The following PRUNE2 variants were observed in gnomAD, a reference collection of about 807,000 sequenced individuals.
PRUNE2 encodes prune homolog 2 with BCH domain, also known as protein prune homolog 2.
PRUNE2 carries 164 observed loss-of-function variants against 252.0 expected under a neutral mutation model. That is an observed-to-expected ratio of 0.65 (90% CI 0.57 to 0.74). The LOEUF is 0.74. Among genes scored for constraint, PRUNE2 ranks in the 30% least tolerant of loss-of-function variants. PRUNE2 has a pLI of 0.00. For missense variants in PRUNE2, 3,495 were observed against 3,711.0 expected (o/e 0.94, Z 1.51); for synonymous variants, 1,292 against 1,350.2 (o/e 0.96, Z 0.94).
In PRUNE2 at chr9:76,705,495, TGA is replaced by T; in HGVS notation, c.6777_6778del (p.Ser2259ArgfsTer9). ...ATCAAACAAAGCTCTTGCACCAGGCTGACTTTCAGGAGAAAAGCTGTCTGATA... is the reference window on the plus strand; with the variant it reads ...ATCAAACAAAGCTCTTGCACCAGGCTCTTTCAGGAGAAAAGCTGTCTGATA... On this transcript the variant is annotated frameshift_variant, in exon 8 of 19. Transcript: ENST00000376718. LOFTEE classifies it high-confidence loss of function. 1 of 1,614,028 alleles carries T rather than the reference TGA, an allele frequency of 6.2e-7. No homozygotes were observed. Among genetic ancestry groups the T allele is most frequent in the Non-Finnish European group, 8.5e-7 (1 of 1,179,884 alleles).
At chr9:76,838,793 G>A (rs1392056121) in intron 4 of PRUNE2, among the ~76,000 whole-genome samples, 1 of 152,086 alleles carries the variant, frequency 6.6e-6, no homozygotes, top group Non-Finnish European at 1.5e-5. Flanking sequence ...GTTAGGGAGG[G>A]AGTGAGCAGT....
At chr9:76,728,913 T>C (rs1384644981) in intron 6 of PRUNE2, among the ~76,000 whole-genome samples, 1 of 152,210 alleles carries the variant, frequency 6.6e-6, no homozygotes. Context: ...AATACATAGA[T>C]GGTAGTCAGC....
At chr9:76,899,746 G>C (rs2063059156) in intron 1 of PRUNE2, among the ~76,000 whole-genome samples, 1 of 152,148 alleles carries the variant, frequency 6.6e-6, no homozygotes, top group Non-Finnish European at 1.5e-5. Context: ...GCGGAAATAA[G>C]TGATCTAAAG....
At chr9:76,688,565 C>T (rs1388530587) in intron 9 of PRUNE2, among the ~76,000 whole-genome samples, 1 of 152,172 alleles carries the variant, frequency 6.6e-6, no homozygotes, top group African/African-American at 2.4e-5. Context: ...TGCCCTCTAG[C>T]TTTCTTCCGT....
chr9:76,747,011 G>T (rs2050185456), intron 6 of PRUNE2, among the ~76,000 whole-genome samples: 1 of 152,220 alleles, frequency 6.6e-6, no homozygotes, highest in Admixed American at 6.5e-5. Context: ...TGCCCAGTGG[G>T]TCAGAAGTTC....
intron 16 of PRUNE2, chr9:76,624,887 G>A (rs939044729): frequency 6.1e-6 from 3 of 490,262 alleles, no homozygotes; most frequent in African/African-American, 6.0e-5. Context: ...TTACACACAG[G>A]ACAAAGACTG....
chr9:76,773,027 T>C (rs1023681699), intron 6 of PRUNE2, among the ~76,000 whole-genome samples: 3 of 152,224 alleles, frequency 2.0e-5, no homozygotes, highest in Admixed American at 2.0e-4. Flanking sequence ...AAGGAACAAT[T>C]TGTATTTAGA....
rs2058170368 is a variant in PRUNE2 at position 76,823,688 on chromosome 9, C to G, written c.700G>C (p.Glu234Gln). 1 of 1,611,824 alleles carries G rather than the reference C, an allele frequency of 6.2e-7. No homozygotes were observed. Among genetic ancestry groups the G allele is most frequent in the African/African-American group, 1.3e-5 (1 of 74,828 alleles). Reference protein sequence around the residue: ...IEQTMLKDLKELSDGEIKVAI... With the variant: ...IEQTMLKDLKQLSDGEIKVAI... ...ACTTTTATTTCTCCATCTGACAGCT[C>G]CTTTAGATCTTTCAACATTGTCTGT... Residue 234 changes from glutamate to glutamine, a missense_variant, in exon 6 of 19, where the codon GAG (glutamate) becomes CAG (glutamine). Transcript: ENST00000376718.
chr9:76,698,536 C>T (rs1414998984), intron 9 of PRUNE2, among the ~76,000 whole-genome samples: 2 of 152,236 alleles, frequency 1.3e-5, no homozygotes, highest in Non-Finnish European at 1.5e-5. Context: ...CAACTCACCT[C>T]TGAGAAACGG....
At chr9:76,648,695 G>A (rs1845948886) in intron 11 of PRUNE2, among the ~76,000 whole-genome samples, 1 of 152,086 alleles carries the variant, frequency 6.6e-6, no homozygotes, top group South Asian at 2.1e-4. Context: ...AATTAAGGCA[G>A]AAAAACGATT....
intron 9 of PRUNE2, among the ~76,000 whole-genome samples, chr9:76,686,778 G>A (rs760297680): frequency 6.6e-6 from 1 of 152,046 alleles, no homozygotes; most frequent in Admixed American, 6.6e-5. Context: ...AAAGTTTTTT[G>A]GTAGAGATGG....
chr9:76,853,075 T>C (rs2060056711), intron 2 of PRUNE2, among the ~76,000 whole-genome samples: 1 of 152,210 alleles, frequency 6.6e-6, no homozygotes, highest in Non-Finnish European at 1.5e-5. Flanking sequence ...ATGCATGTCT[T>C]AACAGAGGCA....
At chr9:76,712,496 T>TGGGGGGGGGGGGGGGGGGGGGGG (rs1588763589) in intron 7 of PRUNE2, among the ~76,000 whole-genome samples, 1 of 12,438 alleles carries the variant, frequency 8.0e-5, no homozygotes. Flanking sequence ...GGAGGGTGGG[T>TGGGGGGGGGGGGGGGGGGGGGGG]GGGGAGAAGA....
At chr9:76,881,867 C>G (rs923201908) in intron 1 of PRUNE2, among the ~76,000 whole-genome samples, 3 of 152,034 alleles carry the variant, frequency 2.0e-5, no homozygotes, top group African/African-American at 7.2e-5. Flanking sequence ...GTGATCTGCC[C>G]GCCTCGGCCT....
In PRUNE2 at chr9:76,710,398, G is replaced by A; in HGVS notation, c.1876C>T (p.Pro626Ser). Residue 626 changes from proline (P) to serine (S), a missense_variant, in exon 8 of 19, where the codon CCA becomes TCA. Pro to Ser is a moderately conservative substitution (Grantham distance 74, BLOSUM62 -1). Transcript: ENST00000376718. ...ATATCTTCTGTATAGAGTGAGGCTG[G>A]TTCTTCAGTGGATGGCGAGCTTTCT... is the stretch of plus-strand genomic sequence containing the variant. ...LVESSPSTEEPASLYTEDMTQ... is the reference protein window; with the variant it reads ...LVESSPSTEESASLYTEDMTQ... The A allele has an allele frequency of 1.9e-6, 3 of 1,613,972 alleles. No homozygotes were observed. The highest frequency in any genetic ancestry group is 2.5e-6 in the Non-Finnish European group (3 of 1,179,888).
chr9:76,684,148 T>A (rs573869649), intron 9 of PRUNE2, among the ~76,000 whole-genome samples: 1 of 152,318 alleles, frequency 6.6e-6, no homozygotes, highest in East Asian at 1.9e-4. Context: ...TGCATGATTA[T>A]TTATTATAGT....
At chr9:76,698,517 A>G (rs2045600785) in intron 9 of PRUNE2, among the ~76,000 whole-genome samples, 1 of 152,266 alleles carries the variant, frequency 6.6e-6, no homozygotes, top group Non-Finnish European at 1.5e-5. Flanking sequence ...ACTGGAGTTT[A>G]GAGAGCATCA....
At chr9:76,828,450 A>C (rs1384249326) in intron 4 of PRUNE2, among the ~76,000 whole-genome samples, 1 of 152,218 alleles carries the variant, frequency 6.6e-6, no homozygotes, top group African/African-American at 2.4e-5. Context: ...GGGATGAGGA[A>C]TCTTTCAAGA....
chr9:76,631,107 GT>G (rs375494255), intron 15 of PRUNE2, among the ~76,000 whole-genome samples: 2 of 152,320 alleles, frequency 1.3e-5, no homozygotes, highest in African/African-American at 4.8e-5. Flanking sequence ...AGTAGCTTCT[GT>G]CCCTCCTGAT....
Sources: allele counts gnomAD v4.1 joint callset (sites outside exome capture counted in the v4.1 genomes callset), GRCh38; gene constraint gnomAD v4.1.1; transcripts MANE v1.5; gene names NCBI Gene and HGNC (gene_info 2026-07-23, HGNC 2026-07-21).